The following CYYR1 variants were observed in gnomAD, a reference collection of about 807,000 sequenced individuals.
CYYR1 encodes cysteine and tyrosine rich 1.
A neutral mutation model predicts 15.2 loss-of-function variants in CYYR1; 14 were observed. The ratio of observed to expected loss-of-function variants is 0.92; its 90% CI spans 0.61 to 1.44. The LOEUF (loss-of-function observed/expected upper bound fraction) is 1.44, where lower values mean the gene tolerates loss of function less well. Ranked by LOEUF, CYYR1 falls within the 40% of genes most tolerant of loss-of-function variation. The pLI is 0.00. For missense variants in CYYR1, 228 were observed against 209.5 expected (o/e 1.09, Z -0.54); for synonymous variants, 80 against 77.4 (o/e 1.03, Z -0.18).
intron 2 of CYYR1, among the ~76,000 whole-genome samples, chr21:26,485,130 G>C (rs1267009895): frequency 6.6e-6 from 1 of 151,986 alleles, no homozygotes; most frequent in African/African-American, 2.4e-5. Context: ...AAAAATTTCA[G>C]GGAATGTATT....
rs7282625 is a variant in CYYR1, at chr21:26,570,907, T to C, written c.73+1961A>G. Among the ~76,000 whole-genome samples, 846 of 152,324 alleles carry C rather than the reference T, an allele frequency of 5.6e-3. 9 individuals carry two copies. The highest frequency in any genetic ancestry group is 0.019 in the African/African-American group (791 of 41,574). Reference sequence around the variant, plus strand: ...CGTCTCGTTGGGTTCAGGGCGTCTATATTTTTCAAAGGTCTAGTTCCTTCA... The same window carrying C: ...CGTCTCGTTGGGTTCAGGGCGTCTACATTTTTCAAAGGTCTAGTTCCTTCA... On this transcript the variant is annotated intron_variant, in intron 1 of 3. Coordinates refer to ENST00000652641, the MANE Select transcript of CYYR1 (RefSeq NM_001320768.2).
intron 2 of CYYR1, among the ~76,000 whole-genome samples, chr21:26,496,734 C>A (rs2065409806): frequency 6.6e-6 from 1 of 152,102 alleles, no homozygotes; most frequent in Non-Finnish European, 1.5e-5. Flanking sequence ...CTAGAAATTT[C>A]CAAATTTGTG....
intron 2 of CYYR1, among the ~76,000 whole-genome samples, chr21:26,562,566 C>G (rs528230153): frequency 6.6e-6 from 1 of 152,260 alleles, no homozygotes; most frequent in African/African-American, 2.4e-5. Flanking sequence ...TAGGGACTTT[C>G]TCAACTGGAT....
intron 3 of CYYR1, among the ~76,000 whole-genome samples, chr21:26,476,378 G>C (rs1157126843): frequency 2.0e-5 from 3 of 152,108 alleles, no homozygotes; most frequent in Non-Finnish European, 2.9e-5. Context: ...AAATCTGGTG[G>C]ACACTTTTAA....
At chr21:26,529,376 AT>A (rs1465894753) in intron 2 of CYYR1, among the ~76,000 whole-genome samples, 1 of 152,240 alleles carries the variant, frequency 6.6e-6, no homozygotes, top group Non-Finnish European at 1.5e-5. Flanking sequence ...AGAGTCACAT[AT>A]TAATATACAT....
intron 3 of CYYR1, among the ~76,000 whole-genome samples, chr21:26,472,081 A>G (rs1954840323): frequency 1.3e-5 from 2 of 152,184 alleles, no homozygotes; most frequent in Non-Finnish European, 2.9e-5. Flanking sequence ...TGTCACCCCA[A>G]TTTAACAAAT....
chr21:26,484,100 A>G (rs539636873), intron 2 of CYYR1, among the ~76,000 whole-genome samples: 1 of 152,122 alleles, frequency 6.6e-6, no homozygotes, highest in African/African-American at 2.4e-5. Context: ...TACACTACGC[A>G]TTGTGAAATA....
intron 2 of CYYR1, among the ~76,000 whole-genome samples, chr21:26,501,850 GAGAA>G: frequency 6.6e-6 from 1 of 152,148 alleles, no homozygotes; most frequent in South Asian, 2.1e-4. Flanking sequence ...CACGCCATGA[GAGAA>G]AGAGAGGTGA....
intron 2 of CYYR1, among the ~76,000 whole-genome samples, chr21:26,492,887 A>G (rs1232493862): frequency 6.6e-6 from 1 of 152,136 alleles, no homozygotes; most frequent in Admixed American, 6.6e-5. Flanking sequence ...ACTAGGTTCT[A>G]TGAGATCAGA....
At chr21:26,473,087 T>G (rs987649722) in intron 3 of CYYR1, among the ~76,000 whole-genome samples, 1 of 152,212 alleles carries the variant, frequency 6.6e-6, no homozygotes, top group Non-Finnish European at 1.5e-5. Flanking sequence ...ATATACCTGT[T>G]CTATTCCAAT....
At chr21:26,518,474 G>A (rs1320515704) in intron 2 of CYYR1, 1 of 152,322 alleles carries the variant, frequency 6.6e-6, no homozygotes, top group East Asian at 1.9e-4. Flanking sequence ...TCTGTCTCCT[G>A]TGCTCACTTC....
chr21:26,549,955 T>C (rs967570598), intron 2 of CYYR1, among the ~76,000 whole-genome samples: 7 of 152,308 alleles, frequency 4.6e-5, no homozygotes, highest in African/African-American at 1.7e-4. Context: ...TATTGTATTT[T>C]CTTTATTGAG....
At chr21:26,475,119 T>C (rs1321237032) in intron 3 of CYYR1, among the ~76,000 whole-genome samples, 1 of 152,212 alleles carries the variant, frequency 6.6e-6, no homozygotes, top group African/African-American at 2.4e-5. Context: ...TTTTCATAAG[T>C]GTTGTGGTCT....
intron 3 of CYYR1, among the ~76,000 whole-genome samples, chr21:26,475,012 A>C (rs2830245): frequency 0.18 from 27,535 of 152,086 alleles, 3,073 homozygotes; most frequent in Non-Finnish European, 0.25. Context: ...TATTAAACCC[A>C]ACACTTTGGT....
intron 1 of CYYR1, among the ~76,000 whole-genome samples, chr21:26,572,329 T>C (rs568252876): frequency 6.6e-6 from 1 of 152,322 alleles, no homozygotes; most frequent in South Asian, 2.1e-4. Flanking sequence ...CCTTCTCTTA[T>C]AAACAAGTGT....
At chr21:26,556,008 T>C (rs1979748602) in intron 2 of CYYR1, among the ~76,000 whole-genome samples, 1 of 152,168 alleles carries the variant, frequency 6.6e-6, no homozygotes, top group African/African-American at 2.4e-5. Context: ...CCCAGAAACA[T>C]GACAGGAGGT....
At chr21:26,570,876 C>T (rs1359340300) in intron 1 of CYYR1, among the ~76,000 whole-genome samples, 1 of 152,046 alleles carries the variant, frequency 6.6e-6, no homozygotes, top group African/African-American at 2.4e-5. Flanking sequence ...CTACTATATC[C>T]CACTCCGTCT....
Position 26,495,800 on chromosome 21 carries a change from A to G in CYYR1, c.177-15371T>C, listed in dbSNP as rs567352509. ...TCAACTTCACGATTAAAAGAAGAGG[A>G]TATGGATTCCAGAATCTTATTAAAA... On this transcript the variant is annotated intron_variant, in intron 2 of 3. Transcript: ENST00000652641. Among the ~76,000 whole-genome samples the G allele has an allele frequency of 9.2e-5, 14 of 152,336 alleles. No individual in the cohort carries two copies. The South Asian group carries it at 2.9e-3, about 32-fold the overall frequency.
intron 2 of CYYR1, among the ~76,000 whole-genome samples, chr21:26,513,340 A>G (rs763635311): frequency 6.6e-6 from 1 of 152,168 alleles, no homozygotes; most frequent in Non-Finnish European, 1.5e-5. Flanking sequence ...AATGCTGCAG[A>G]CATGGGCAGG....
Sources: gnomAD v4.1 joint callset for allele counts (sites outside exome capture counted in the v4.1 genomes callset) on GRCh38, gnomAD v4.1.1 for gene constraint, MANE v1.5 for transcripts, NCBI Gene and HGNC (gene_info 2026-07-23, HGNC 2026-07-21) for gene names.